KLHL29: variants seen among roughly 807,000 people sequenced by gnomAD.
The protein encoded by KLHL29 is kelch like family member 29.
Under a neutral mutation model 80.4 loss-of-function variants are expected in KLHL29, and 21 were observed. That is an observed-to-expected ratio of 0.26 (90% CI 0.19 to 0.38). KLHL29 has a LOEUF of 0.38. KLHL29 is among the 10% of genes least tolerant of loss of function. The pLI is 1.00. For missense variants in KLHL29, 867 were observed against 1,223.9 expected (o/e 0.71, Z 4.35); for synonymous variants, 511 against 526.8 (o/e 0.97, Z 0.41).
chr2:23,691,653 C>A, intron 6 of KLHL29, 21 bp from the exon 7 acceptor site: 1 of 1,549,930 alleles, frequency 6.5e-7, no homozygotes, highest in South Asian at 1.2e-5. Context: ...GAGGTAAGGA[C>A]ACCCTGGTCT....
intron 3 of KLHL29, among the ~76,000 whole-genome samples, chr2:23,611,006 T>C (rs893363172): frequency 2.0e-5 from 3 of 152,084 alleles, no homozygotes; most frequent in African/African-American, 7.2e-5. Flanking sequence ...AGACAATGAA[T>C]AAGTAACAAA....
chr2:23,698,352 T>TG (rs1036388192), intron 11 of KLHL29, among the ~76,000 whole-genome samples: 1 of 152,060 alleles, frequency 6.6e-6, no homozygotes, highest in African/African-American at 2.4e-5. Flanking sequence ...GGTTGGAGGG[T>TG]GCAGGGGAAG....
At chr2:23,422,519 T>C (rs909015778) in intron 1 of KLHL29, among the ~76,000 whole-genome samples, 1 of 151,818 alleles carries the variant, frequency 6.6e-6, no homozygotes, top group African/African-American at 2.4e-5. Context: ...TATGTGTGTC[T>C]CTGTGTGTGT....
chr2:23,605,773 GT>G (rs34164678), intron 3 of KLHL29, among the ~76,000 whole-genome samples: 56,818 of 142,682 alleles, frequency 0.4, 10,714 homozygotes, highest in East Asian at 0.63. Flanking sequence ...TGGGAAAACC[GT>G]TTTTTTTTTT....
At chr2:23,594,038 C>T (rs1287322433) in intron 3 of KLHL29, among the ~76,000 whole-genome samples, 1 of 152,180 alleles carries the variant, frequency 6.6e-6, no homozygotes, top group Non-Finnish European at 1.5e-5. Flanking sequence ...ATCTCTTCCT[C>T]GTCCACTTCA....
chr2:23,490,387 A>G (rs1665062547), intron 2 of KLHL29, among the ~76,000 whole-genome samples: 1 of 152,228 alleles, frequency 6.6e-6, no homozygotes, highest in African/African-American at 2.4e-5. Context: ...GACAGCACAC[A>G]GTGAATACAA....
chr2:23,610,582 A>G (rs937664028), intron 3 of KLHL29, among the ~76,000 whole-genome samples: 10 of 152,218 alleles, frequency 6.6e-5, no homozygotes, highest in Non-Finnish European at 1.3e-4. Context: ...TCTGACTCTG[A>G]AATTTTCAGT....
chr2:23,398,218 C>T (rs541732747), intron 1 of KLHL29, among the ~76,000 whole-genome samples: 5 of 152,204 alleles, frequency 3.3e-5, no homozygotes, highest in Admixed American at 2.0e-4. Flanking sequence ...CCCAAGTGTC[C>T]GTCAGTGATG....
At chr2:23,572,931 G>A (rs898968650) in intron 3 of KLHL29, among the ~76,000 whole-genome samples, 3 of 152,148 alleles carry the variant, frequency 2.0e-5, no homozygotes, top group African/African-American at 4.8e-5. Flanking sequence ...CTCGTGATCC[G>A]CCCGCCTCGG....
chr2:23,561,375 C>T (rs1156287430), intron 2 of KLHL29, among the ~76,000 whole-genome samples: 2 of 152,122 alleles, frequency 1.3e-5, no homozygotes, highest in East Asian at 3.9e-4. Context: ...CATGGAAGGG[C>T]CTTATGCTCA....
intron 1 of KLHL29, among the ~76,000 whole-genome samples, chr2:23,392,728 C>T (rs146236084): frequency 1.4e-4 from 21 of 152,134 alleles, no homozygotes; most frequent in Non-Finnish European, 1.0e-4. Context: ...TCTGTGTTTT[C>T]CTTTCTGCAC....
chr2:23,609,683 G>T (rs1572435995), intron 3 of KLHL29, among the ~76,000 whole-genome samples: 1 of 152,042 alleles, frequency 6.6e-6, no homozygotes, highest in African/African-American at 2.4e-5. Flanking sequence ...TGATAATAAT[G>T]ATGACAAATA....
At chr2:23,652,462 C>T (rs999381212) in intron 5 of KLHL29, among the ~76,000 whole-genome samples, 1 of 152,200 alleles carries the variant, frequency 6.6e-6, no homozygotes, top group Non-Finnish European at 1.5e-5. Flanking sequence ...ACATGACAGC[C>T]CTTCAGCTTT....
At chr2:23,527,614 G>C (rs541410853) in intron 2 of KLHL29, among the ~76,000 whole-genome samples, 2 of 152,332 alleles carry the variant, frequency 1.3e-5, no homozygotes, top group South Asian at 4.1e-4. Context: ...AGTCGGCTTG[G>C]TCTTGACAGC....
At chr2:23,603,725 G>A (rs1485959043) in intron 3 of KLHL29, among the ~76,000 whole-genome samples, 1 of 152,218 alleles carries the variant, frequency 6.6e-6, no homozygotes, top group Non-Finnish European at 1.5e-5. Flanking sequence ...GTCCAGCATT[G>A]TGTCCAGCCC....
At chr2:23,569,873 G>A (rs1234789089) in intron 3 of KLHL29, among the ~76,000 whole-genome samples, 1 of 152,158 alleles carries the variant, frequency 6.6e-6, no homozygotes, top group East Asian at 1.9e-4. Context: ...TTACTTTCAT[G>A]GTACGGCCAG....
chr2:23,696,477 G>A lies in KLHL29; in HGVS notation c.2069G>A (p.Gly690Glu). ...GATGGGAAGATTTACACCCTCGGGG[G>A]ACTTGGCGTGGCAGGCAACGTGGAC... ...VYDGKIYTLGGLGVAGNVDHV... is the reference protein window; with the variant it reads ...VYDGKIYTLGELGVAGNVDHV... Residue 690 changes from glycine (G) to glutamate (E), a missense_variant, in exon 11 of 14, where the codon GGA becomes GAA. Around this residue, in one of 2 missense-constraint regions of KLHL29, gnomAD observed 443 missense variants for 767.0 expected, o/e 0.58. Transcript: ENST00000486442. This position sits in a 1 kb window ranked among gnomAD's most constrained non-coding sequence, Gnocchi z 5.5. 6.5e-7 allele frequency: 1 copy of A among 1,544,474 alleles called. No individual in the cohort carries two copies. Among genetic ancestry groups the A allele is most frequent in the Non-Finnish European group, 8.7e-7 (1 of 1,143,686 alleles).
intron 5 of KLHL29, among the ~76,000 whole-genome samples, chr2:23,683,583 G>T (rs2149191358): frequency 6.6e-6 from 1 of 152,360 alleles, no homozygotes; most frequent in East Asian, 1.9e-4. Flanking sequence ...ATGGGCCCGG[G>T]CACTGTCTGT....
intron 1 of KLHL29, among the ~76,000 whole-genome samples, chr2:23,402,710 T>G (rs1432691415): frequency 2.6e-5 from 4 of 152,210 alleles, no homozygotes; most frequent in Admixed American, 2.6e-4. Context: ...GAGAAAACCA[T>G]GGGAAAAATA....
Sources: gnomAD v4.1 joint callset for allele counts (sites outside exome capture counted in the v4.1 genomes callset) on GRCh38, gnomAD v4.1.1 for gene constraint, gnomAD v4.1.1 regional missense constraint, Gnocchi (gnomAD v3.1) non-coding constraint, MANE v1.5 for transcripts, NCBI Gene and HGNC (gene_info 2026-07-23, HGNC 2026-07-21) for gene names.